CDC42EP3: variants seen among roughly 807,000 people sequenced by gnomAD.
CDC42EP3 encodes the protein CDC42 effector protein 3, also known as CDC42 effector protein (Rho GTPase binding) 3.
CDC42EP3 carries 4 observed loss-of-function variants against 15.5 expected under a neutral mutation model. The observed-to-expected ratio is 0.26, with a 90% CI of 0.13 to 0.59. The LOEUF (loss-of-function observed/expected upper bound fraction) is 0.59, where lower values mean the gene tolerates loss of function less well. Among genes scored for constraint, CDC42EP3 ranks in the 20% least tolerant of loss-of-function variants. The pLI is 0.89. For synonymous variants in CDC42EP3, 145 were observed against 130.3 expected (o/e 1.11, Z -0.77); for missense variants, 309 against 311.2 (o/e 0.99, Z 0.05).
At chr2:37,664,537 C>G (rs1025621176) in intron 1 of CDC42EP3, among the ~76,000 whole-genome samples, 1 of 151,764 alleles carries the variant, frequency 6.6e-6, no homozygotes, top group Non-Finnish European at 1.5e-5. Context: ...AGTCTTGTCC[C>G]TCTAGAGAAC....
chr2:37,653,314 C>T (rs994318222), intron 1 of CDC42EP3, among the ~76,000 whole-genome samples: 3 of 151,974 alleles, frequency 2.0e-5, no homozygotes, highest in East Asian at 1.9e-4. Flanking sequence ...ACAAAAGGAC[C>T]GGAGAGGAAG....
rs914932372 is a variant in CDC42EP3, at chr2:37,643,707, T to A, written c.*2116A>T. 6.6e-6 allele frequency: 1 copy of A among 152,144 alleles called. No homozygotes were observed. Among genetic ancestry groups the A allele is most frequent in the African/African-American group, 2.4e-5 (1 of 41,370 alleles). 9.4% of individuals were successfully genotyped at this position (152,144 alleles called of 1,614,324 possible). On this transcript the variant is annotated 3_prime_UTR_variant, in exon 2 of 2. Coordinates refer to ENST00000295324, the MANE Select transcript of CDC42EP3 (RefSeq NM_006449.5). ...ACTAATTAAAATGGGGGGGAGGTAT[T>A]GAAAAGAGTCTAAAATTGGCTACAA...
chr2:37,668,411 A>G (rs1037567844), intron 1 of CDC42EP3, among the ~76,000 whole-genome samples: 11 of 152,206 alleles, frequency 7.2e-5, no homozygotes, highest in Non-Finnish European at 1.6e-4. Context: ...AACTCCTTTA[A>G]TCCTCAGGGA....
rs944216725 is a variant in CDC42EP3 at position 37,644,782 on chromosome 2, C to A, written c.*1041G>T. The stretch of plus-strand genomic sequence containing the variant: ...CATGTACATTTCAGAGAAGCAATTT[C>A]TCTAGCTATACTTATTCTCTTATGG... On this transcript the variant is annotated 3_prime_UTR_variant, in exon 2 of 2. Coordinates refer to ENST00000295324, the MANE Select transcript of CDC42EP3 (RefSeq NM_006449.5). 1 of 152,148 alleles carries A rather than the reference C, an allele frequency of 6.6e-6. No individual in the cohort carries two copies. Among genetic ancestry groups the A allele is most frequent in the African/African-American group, 2.4e-5 (1 of 41,436 alleles). 9.4% of individuals were successfully genotyped at this position (152,148 alleles called of 1,614,324 possible).
chr2:37,642,093 C>T lies in CDC42EP3; in HGVS notation c.*3730G>A, dbSNP rs928617280. On this transcript the variant is annotated 3_prime_UTR_variant, in exon 2 of 2. Coordinates refer to ENST00000295324, the MANE Select transcript of CDC42EP3 (RefSeq NM_006449.5). The stretch of plus-strand genomic sequence containing the variant: ...TGAAAAATATTTAGATCTACTTGCT[C>T]TAAGAATAAGGTCAACATTAAACAT... 6.6e-6 allele frequency: 1 copy of T among 152,162 alleles called. No individual in the cohort carries two copies. Among genetic ancestry groups the T allele is most frequent in the Non-Finnish European group, 1.5e-5 (1 of 68,042 alleles). The allele number at this position is 152,162 out of a possible 1,614,324, so 9.4% of individuals were successfully genotyped here.
At chr2:37,661,475 T>C (rs1218576573) in intron 1 of CDC42EP3, among the ~76,000 whole-genome samples, 1 of 152,154 alleles carries the variant, frequency 6.6e-6, no homozygotes, top group African/African-American at 2.4e-5. Flanking sequence ...GGAGCTTCAT[T>C]GTGCCAGTGG....
chr2:37,670,145 G>A (rs559010291), intron 1 of CDC42EP3, among the ~76,000 whole-genome samples: 100 of 152,286 alleles, frequency 6.6e-4, no homozygotes, highest in African/African-American at 2.3e-3. Context: ...TACCTTTGGG[G>A]CATCATCGCT....
Position 37,660,275 on chromosome 2 carries a change from A to G in CDC42EP3, c.-236+11151T>C, listed in dbSNP as rs1470507517. ...GATGAGGCTAAAATGGTTCCTATTGATCCTGTGGACAGTCTCCACAGTTGG... is the reference window on the plus strand; with the variant it reads ...GATGAGGCTAAAATGGTTCCTATTGGTCCTGTGGACAGTCTCCACAGTTGG... On this transcript the variant is annotated intron_variant, in intron 1 of 1. Coordinates refer to ENST00000295324, the MANE Select transcript of CDC42EP3 (RefSeq NM_006449.5). 2.6e-5 allele frequency among the ~76,000 whole-genome samples: 4 copies of G among 152,202 alleles called. No individual in the cohort carries two copies. In the South Asian group the frequency reaches 8.3e-4, roughly 31 times the overall value.
intron 1 of CDC42EP3, among the ~76,000 whole-genome samples, chr2:37,656,584 A>G (rs560747645): frequency 5.3e-5 from 8 of 152,364 alleles, no homozygotes; most frequent in Non-Finnish European, 1.5e-5. Flanking sequence ...CAGGCATGTA[A>G]TGCTCAGAGC....
In CDC42EP3 at chr2:37,646,790, C is replaced by T. The variant is rs1293481271; in HGVS notation, c.-203G>A. On this transcript the variant is annotated 5_prime_UTR_variant, in exon 2 of 2. An upstream start codon of the reference 5' UTR is lost. Coordinates refer to ENST00000295324, the MANE Select transcript of CDC42EP3 (RefSeq NM_006449.5). ...GTGAGGCTTCCTAGAGAGCCAGTTA[C>T]ATCATCCAGTCTTGACCACAACCAG... The T allele has an allele frequency of 3.7e-6, 2 of 534,700 alleles. No individual in the cohort carries two copies. Among genetic ancestry groups the T allele is most frequent in the East Asian group, 3.4e-5 (1 of 29,322 alleles). The allele number at this position is 534,700 out of a possible 1,614,324, so 33.1% of individuals were successfully genotyped here. A position where few individuals can be genotyped will look rare whatever the true frequency, so the allele number is the denominator to read the frequency against.
chr2:37,656,990 A>ACCCCCCG (rs1349339050), intron 1 of CDC42EP3, among the ~76,000 whole-genome samples: 4 of 42,336 alleles, frequency 9.4e-5, no homozygotes, highest in African/African-American at 2.5e-4. Context: ...CCCCCCCCCC[A>ACCCCCCG]CCCCCCGCCC....
chr2:37,653,160 T>A (rs1389611310), intron 1 of CDC42EP3, among the ~76,000 whole-genome samples: 1 of 152,174 alleles, frequency 6.6e-6, no homozygotes, highest in Non-Finnish European at 1.5e-5. Flanking sequence ...AGAAAAGATT[T>A]GCCAACAAAA....
chr2:37,654,214 C>T (rs577904161), intron 1 of CDC42EP3, among the ~76,000 whole-genome samples: 3 of 152,198 alleles, frequency 2.0e-5, no homozygotes, highest in African/African-American at 4.8e-5. Flanking sequence ...CTGTGCCAAG[C>T]GCCCAGAACA....
intron 1 of CDC42EP3, among the ~76,000 whole-genome samples, chr2:37,654,891 T>C (rs1665799764): frequency 6.6e-6 from 1 of 152,192 alleles, no homozygotes; most frequent in Admixed American, 6.5e-5. Flanking sequence ...AGTGCTTCTC[T>C]GAATAATTTT....
chr2:37,672,561 C>T (rs1666468392), upstream of CDC42EP3: 1 of 152,220 alleles, frequency 6.6e-6, no homozygotes, highest in African/African-American at 2.4e-5. Context: ...CCCCTCCCCT[C>T]CGCCGGGGCC....
intron 1 of CDC42EP3, among the ~76,000 whole-genome samples, chr2:37,657,093 G>A (rs891867208): frequency 1.6e-4 from 23 of 147,760 alleles, no homozygotes; most frequent in African/African-American, 5.8e-4. Flanking sequence ...CCCATTGCAT[G>A]CGACAGTGAA....
In CDC42EP3 at chr2:37,645,562, A is replaced by T. The variant is rs1161749945; in HGVS notation, c.*261T>A. 3.2e-6 allele frequency: 1 copy of T among 315,834 alleles called. No individual in the cohort carries two copies. The highest frequency in any genetic ancestry group is 2.1e-5 in the African/African-American group (1 of 46,524). 19.6% of individuals were successfully genotyped at this position (315,834 alleles called of 1,614,324 possible). ...GATTTCTTGTGTGTCTGCAAACAAT[A>T]TGTGAGCCGAACATCACCAATGCCT... On this transcript the variant is annotated 3_prime_UTR_variant, in exon 2 of 2. Transcript: ENST00000295324.
chr2:37,649,445 CAAAAAAAAAAAAAAAAA>C (rs57232687), intron 1 of CDC42EP3, among the ~76,000 whole-genome samples: 7 of 48,172 alleles, frequency 1.5e-4, no homozygotes, highest in Admixed American at 3.5e-4. Flanking sequence ...GGCCTTGTCT[CAAAAAAAAAAAAAAAAA>C]AAAAAAAAAA....
intron 1 of CDC42EP3, among the ~76,000 whole-genome samples, chr2:37,655,903 A>C (rs1339799494): frequency 1.3e-5 from 2 of 152,332 alleles, no homozygotes; most frequent in Middle Eastern, 3.4e-3. Context: ...CAATTATTCT[A>C]TGCAGTACTC....
Sources: allele counts gnomAD v4.1 joint callset (sites outside exome capture counted in the v4.1 genomes callset), GRCh38; gene constraint gnomAD v4.1.1; transcripts MANE v1.5; gene names NCBI Gene and HGNC (gene_info 2026-07-23, HGNC 2026-07-21).